Variants in GLP2R observed in about 807,000 individuals in gnomAD.
GLP2R encodes glucagon-like peptide 2 receptor.
A neutral mutation model predicts 68.2 loss-of-function variants in GLP2R; 59 were observed. The ratio of observed to expected loss-of-function variants is 0.87; its 90% CI spans 0.70 to 1.07. The LOEUF (loss-of-function observed/expected upper bound fraction) is 1.07. Among genes scored for constraint, GLP2R ranks in the 50% least tolerant of loss-of-function variants. The pLI is 0.00. For missense variants in GLP2R, 548 were observed against 677.4 expected, an observed-to-expected ratio of 0.81 and a Z score of 2.12; for synonymous variants, 270 against 265.4, an observed-to-expected ratio of 1.02 and a Z score of -0.17.
chr17:9,888,644 T>C (rs1428130400), intron 12 of GLP2R, among the ~76,000 whole-genome samples: 2 of 152,066 alleles, frequency 1.3e-5, no homozygotes, highest in Non-Finnish European at 2.9e-5. Flanking sequence ...TTTTTATATT[T>C]TTAGTAGAGA....
At chr17:9,827,961 A>C (rs2066647500) in intron 1 of GLP2R, among the ~76,000 whole-genome samples, 1 of 79,098 alleles carries the variant, frequency 1.3e-5, no homozygotes, top group Non-Finnish European at 2.0e-5. Flanking sequence ...GATCTGTCTC[A>C]AAAAAAAAAA....
At chr17:9,851,094 A>G (rs1368656317) in intron 4 of GLP2R, among the ~76,000 whole-genome samples, 1 of 152,186 alleles carries the variant, frequency 6.6e-6, no homozygotes. Context: ...AGACAAAAAA[A>G]AGACATGTCC....
intron 4 of GLP2R, among the ~76,000 whole-genome samples, chr17:9,846,982 C>T (rs1476057726): frequency 6.6e-6 from 1 of 152,212 alleles, no homozygotes; most frequent in African/African-American, 2.4e-5. Flanking sequence ...CAACAGGCTC[C>T]CTGCTTCCAC....
chr17:9,832,082 T>C (rs1485008978), intron 1 of GLP2R, among the ~76,000 whole-genome samples: 1 of 152,162 alleles, frequency 6.6e-6, no homozygotes, highest in Non-Finnish European at 1.5e-5. Flanking sequence ...TAATTCCTCC[T>C]TAACACAAGG....
chr17:9,874,013 T>A (rs370290021), intron 10 of GLP2R, among the ~76,000 whole-genome samples: 1 of 152,182 alleles, frequency 6.6e-6, no homozygotes, highest in East Asian at 1.9e-4. Flanking sequence ...TCCCTCCTCA[T>A]GTATATGCAT....
intron 9 of GLP2R, among the ~76,000 whole-genome samples, chr17:9,869,389 C>G (rs1034965175): frequency 6.6e-6 from 1 of 152,206 alleles, no homozygotes; most frequent in African/African-American, 2.4e-5. Flanking sequence ...TGTGAAAGAC[C>G]CTGCAGAAAC....
chr17:9,871,627 T>C (rs951161676), intron 10 of GLP2R, among the ~76,000 whole-genome samples: 4 of 152,254 alleles, frequency 2.6e-5, no homozygotes, highest in African/African-American at 9.6e-5. Flanking sequence ...ATCATAGGTA[T>C]TTATTAGATC....
At chr17:9,869,027 C>T (rs1302053758) in intron 9 of GLP2R, among the ~76,000 whole-genome samples, 4 of 152,176 alleles carry the variant, frequency 2.6e-5, no homozygotes, top group Non-Finnish European at 5.9e-5. Flanking sequence ...GGCTAGGAAC[C>T]TCCATCATTC....
rs567510721 is a variant in GLP2R at position 9,845,063 on chromosome 17, CTT to C, written c.504+2459_504+2460del. Among the ~76,000 whole-genome samples, 513 of 143,822 alleles carry C rather than the reference CTT, an allele frequency of 3.6e-3. 4 individuals carry two copies. The highest frequency in any genetic ancestry group is 9.8e-3 in the African/African-American group (383 of 39,164). 94.4% of individuals were successfully genotyped at this position (143,822 alleles called of 152,430 possible). A position where few individuals can be genotyped will look rare whatever the true frequency, so the allele number is the denominator to read the frequency against. On this transcript the variant is annotated intron_variant, in intron 4 of 12. Transcript: ENST00000262441. ...ACTCTCCGCCACTCCCAAGTTGTGG[CTT>C]TTTTTTTTTTTGAGATAGAGTCTGT...
chr17:9,872,615 A>G (rs2067105558), intron 10 of GLP2R, among the ~76,000 whole-genome samples: 1 of 152,166 alleles, frequency 6.6e-6, no homozygotes, highest in South Asian at 2.1e-4. Context: ...CACGATGTAG[A>G]CCCTGCATTT....
intron 5 of GLP2R, among the ~76,000 whole-genome samples, chr17:9,854,888 A>G (rs890110836): frequency 4.6e-5 from 7 of 152,172 alleles, no homozygotes; most frequent in African/African-American, 1.7e-4. Context: ...CTATAATAAG[A>G]GTTATGTGAA....
chr17:9,861,149 G>T lies in GLP2R; in HGVS notation c.936G>T (p.Val312=). Residue 312 remains valine, a synonymous_variant, in exon 8 of 13, where the codon GTG becomes GTT. Coordinates refer to ENST00000262441, the MANE Select transcript of GLP2R (RefSeq NM_004246.3). The part of the protein sequence containing the change: ...RYLLLGWAFP[V]LFVVPWGFAR... ...GTGTTTTCTCCCCAGCCTTCCCTGT[G>T]CTATTTGTTGTACCCTGGGGTTTCG... 6.2e-7 allele frequency: 1 copy of T among 1,613,624 alleles called. No individual in the cohort carries two copies. Among genetic ancestry groups the T allele is most frequent in the Admixed American group, 1.7e-5 (1 of 60,002 alleles).
rs2067286213 is a variant in GLP2R at position 9,890,998 on chromosome 17, G to A, written c.*1293G>A. Reference sequence around the variant, plus strand: ...TTGGAAACAGTGTGTTAATGCACAGGAGTGTCACTTTCATGGTATGTAAAA... The same window carrying A: ...TTGGAAACAGTGTGTTAATGCACAGAAGTGTCACTTTCATGGTATGTAAAA... On this transcript the variant is annotated 3_prime_UTR_variant, in exon 13 of 13. Coordinates refer to ENST00000262441, the MANE Select transcript of GLP2R (RefSeq NM_004246.3). 6.6e-6 allele frequency: 1 copy of A among 152,226 alleles called. No individual in the cohort carries two copies. Among genetic ancestry groups the A allele is most frequent in the South Asian group, 2.1e-4 (1 of 4,830 alleles). 9.4% of individuals were successfully genotyped at this position (152,226 alleles called of 1,614,324 possible).
intron 3 of GLP2R, among the ~76,000 whole-genome samples, chr17:9,841,922 C>T (rs9905842): frequency 1.3e-5 from 2 of 152,034 alleles, no homozygotes; most frequent in Non-Finnish European, 2.9e-5. Flanking sequence ...AGTCTGTATG[C>T]GCAGAGGGAT....
chr17:9,829,281 A>T (rs917360800), intron 1 of GLP2R, among the ~76,000 whole-genome samples: 2 of 152,026 alleles, frequency 1.3e-5, no homozygotes, highest in Non-Finnish European at 2.9e-5. Flanking sequence ...CCTTTTATAC[A>T]TGGATGGCAG....
chr17:9,879,742 A>C (rs886195454), intron 10 of GLP2R, among the ~76,000 whole-genome samples: 2 of 152,110 alleles, frequency 1.3e-5, no homozygotes, highest in Non-Finnish European at 2.9e-5. Flanking sequence ...TCCACGCCGC[A>C]CTTTTTATGA....
At chr17:9,837,339 T>C (rs1165730092) in intron 3 of GLP2R, among the ~76,000 whole-genome samples, 1 of 152,224 alleles carries the variant, frequency 6.6e-6, no homozygotes, top group Non-Finnish European at 1.5e-5. Flanking sequence ...TTTTGATTTT[T>C]AGATCTTACA....
intron 11 of GLP2R, among the ~76,000 whole-genome samples, chr17:9,884,892 C>G (rs1027184173): frequency 6.6e-6 from 1 of 152,024 alleles, no homozygotes; most frequent in Non-Finnish European, 1.5e-5. Context: ...AAAAAAAACT[C>G]TGCAGCTGTT....
chr17:9,835,234 G>T (rs900293972), intron 2 of GLP2R, among the ~76,000 whole-genome samples: 3 of 151,910 alleles, frequency 2.0e-5, no homozygotes, highest in Non-Finnish European at 2.9e-5. Flanking sequence ...TCACCATGTT[G>T]GCCAGGATGG....
Sources: gnomAD v4.1 joint callset for allele counts (sites outside exome capture counted in the v4.1 genomes callset) on GRCh38, gnomAD v4.1.1 for gene constraint, MANE v1.5 for transcripts, NCBI Gene and HGNC (gene_info 2026-07-23, HGNC 2026-07-21) for gene names.